CLMN: variants seen among roughly 807,000 people sequenced by gnomAD.
The protein encoded by CLMN is calmin, also known as calmin (calponin-like, transmembrane).
CLMN carries 57 observed loss-of-function variants against 92.7 expected under a neutral mutation model. The ratio of observed to expected loss-of-function variants is 0.61; its 90% CI spans 0.50 to 0.77. The LOEUF is 0.77. CLMN is among the 30% of genes least tolerant of loss of function. CLMN has a pLI of 0.00. For missense variants in CLMN, 1,158 were observed against 1,237.5 expected, an observed-to-expected ratio of 0.94 and a Z score of 0.96; for synonymous variants, 466 against 470.6, an observed-to-expected ratio of 0.99 and a Z score of 0.13.
intron 1 of CLMN, among the ~76,000 whole-genome samples, chr14:95,245,740 A>G (rs1898535937): frequency 6.7e-6 from 1 of 148,150 alleles, no homozygotes; most frequent in South Asian, 2.2e-4. Flanking sequence ...GGATAAATGG[A>G]TGGGTGGATG....
chr14:95,214,250 C>T (rs1897269427), intron 5 of CLMN, among the ~76,000 whole-genome samples: 1 of 151,772 alleles, frequency 6.6e-6, no homozygotes, highest in Non-Finnish European at 1.5e-5. Flanking sequence ...TTGACTTTTA[C>T]CACATCTTCG....
intron 1 of CLMN, among the ~76,000 whole-genome samples, chr14:95,273,168 T>C (rs1045137917): frequency 2.0e-5 from 3 of 152,168 alleles, no homozygotes; most frequent in Non-Finnish European, 4.4e-5. Flanking sequence ...CAAATTGTGA[T>C]GGAAAGGACA....
intron 8 of CLMN, among the ~76,000 whole-genome samples, 182 bp downstream of exon 8, chr14:95,209,213 A>AG (rs1423834192): frequency 6.6e-6 from 1 of 152,176 alleles, no homozygotes; most frequent in Non-Finnish European, 1.5e-5. Flanking sequence ...CCCGCATATG[A>AG]GGGGGACAAC....
In CLMN at chr14:95,294,362, A is replaced by G. The variant is rs969590747; in HGVS notation, c.82+25349T>C. ...GGAAAAAGCTGGGTTTCAGGACACA[A>G]TCTCTTAGGGCACCTCTGGAAGGAG... On this transcript the variant is annotated intron_variant, in intron 1 of 12. Coordinates refer to ENST00000298912, the MANE Select transcript of CLMN (RefSeq NM_024734.4). This position sits in a 1 kb window ranked among gnomAD's most constrained non-coding sequence, Gnocchi z 4.2. 6.6e-6 allele frequency among the ~76,000 whole-genome samples: 1 copy of G among 152,198 alleles called. No individual in the cohort carries two copies. The highest frequency in any genetic ancestry group is 1.5e-5 in the Non-Finnish European group (1 of 68,034).
Position 95,191,406 on chromosome 14 carries a change from G to GGAA in CLMN, c.*157_*158insTTC, listed in dbSNP as rs1555384327. On this transcript the variant is annotated 3_prime_UTR_variant, in exon 13 of 13. Coordinates refer to ENST00000298912, the MANE Select transcript of CLMN (RefSeq NM_024734.4). This position sits in a 1 kb window ranked among gnomAD's most constrained non-coding sequence, Gnocchi z 5.3. ...GTTGTCCAGAAAAAAAAGGAAACCTGAAAAAAAAAAAAAAACCACAATAGC... is the reference window on the plus strand; with the variant it reads ...GTTGTCCAGAAAAAAAAGGAAACCTGGAAAAAAAAAAAAAAAAACCACAATAGC... The GGAA allele has an allele frequency of 2.9e-6, 1 of 341,980 alleles. No individual in the cohort carries two copies. Among genetic ancestry groups the GGAA allele is most frequent in the African/African-American group, 2.6e-5 (1 of 38,682 alleles). 21.2% of individuals were successfully genotyped at this position (341,980 alleles called of 1,614,324 possible). A position where few individuals can be genotyped will look rare whatever the true frequency, so the allele number is the denominator to read the frequency against.
Position 95,194,654 on chromosome 14 carries a change from T to C in CLMN, c.2709-58A>G, listed in dbSNP as rs1008729837. 3.3e-6 allele frequency: 5 copies of C among 1,531,356 alleles called. No individual in the cohort carries two copies. Among genetic ancestry groups the C allele is most frequent in the Non-Finnish European group, 3.6e-6 (4 of 1,104,794 alleles). 94.9% of individuals were successfully genotyped at this position (1,531,356 alleles called of 1,614,324 possible). A position where few individuals can be genotyped will look rare whatever the true frequency, so the allele number is the denominator to read the frequency against. On this transcript the variant is annotated intron_variant, in intron 10 of 12. Coordinates refer to ENST00000298912, the MANE Select transcript of CLMN (RefSeq NM_024734.4). The surrounding 1 kb of genome is among the most constrained non-coding windows in gnomAD (Gnocchi z 4.0). ...CACCTGGAGCTCTTCATGGCTCAGT[T>C]GTACGGTCACCCCCATCCTGGGGTT...
intron 1 of CLMN, among the ~76,000 whole-genome samples, chr14:95,252,138 T>A (rs1252409159): frequency 1.3e-5 from 2 of 151,838 alleles, no homozygotes; most frequent in African/African-American, 4.8e-5. Flanking sequence ...CAACAGGGGG[T>A]GCTGAGTGTG....
chr14:95,252,825 G>T (rs904159404), intron 1 of CLMN, among the ~76,000 whole-genome samples: 2 of 152,220 alleles, frequency 1.3e-5, no homozygotes, highest in Non-Finnish European at 2.9e-5. Context: ...CACGTGTGAT[G>T]CCGGGAGGGT....
At chr14:95,304,496 G>A (rs1901190853) in intron 1 of CLMN, among the ~76,000 whole-genome samples, 1 of 152,076 alleles carries the variant, frequency 6.6e-6, no homozygotes, top group African/African-American at 2.4e-5. Flanking sequence ...GCACTAAGAG[G>A]ATGAGAGGAA....
chr14:95,204,076 T>C lies in CLMN; in HGVS notation c.1273A>G (p.Thr425Ala). Reference sequence around the variant, plus strand: ...TAGGTGTCAGCCTCAAAGTGAACTGTTTTCTTGATCGGCAAAGAGTTGGAC... The same window carrying C: ...TAGGTGTCAGCCTCAAAGTGAACTGCTTTCTTGATCGGCAAAGAGTTGGAC... ...GRSNSLPIKK[T>A]VHFEADTYKD... Residue 425 changes from threonine (T) to alanine (A), a missense_variant, in exon 9 of 13, where the codon ACA (threonine) becomes GCA (alanine). Coordinates refer to ENST00000298912, the MANE Select transcript of CLMN (RefSeq NM_024734.4). The C allele has an allele frequency of 6.2e-7, 1 of 1,614,158 alleles. No homozygotes were observed. The highest frequency in any genetic ancestry group is 8.5e-7 in the Non-Finnish European group (1 of 1,180,022).
chr14:95,259,581 G>C lies in CLMN; in HGVS notation c.83-29448C>G, dbSNP rs1173406435. On this transcript the variant is annotated intron_variant, in intron 1 of 12. Transcript: ENST00000298912. This position sits in a 1 kb window ranked among gnomAD's most constrained non-coding sequence, Gnocchi z 4.3. Reference sequence around the variant, plus strand: ...GGCCAGGGAAACGAGATCTTGATCTGTTTGGGAATCCTGTTTTTGTGCCTG... The same window carrying C: ...GGCCAGGGAAACGAGATCTTGATCTCTTTGGGAATCCTGTTTTTGTGCCTG... Among the ~76,000 whole-genome samples, 1 of 152,152 alleles carries C rather than the reference G, an allele frequency of 6.6e-6. No individual in the cohort carries two copies. Among genetic ancestry groups the C allele is most frequent in the Non-Finnish European group, 1.5e-5 (1 of 68,010 alleles).
At chr14:95,276,874 C>A (rs1003189117) in intron 1 of CLMN, among the ~76,000 whole-genome samples, 1 of 152,158 alleles carries the variant, frequency 6.6e-6, no homozygotes, top group Non-Finnish European at 1.5e-5. Flanking sequence ...AGTTCCTCCA[C>A]GCAACCCCTG....
intron 1 of CLMN, among the ~76,000 whole-genome samples, chr14:95,240,829 G>A (rs907663794): frequency 1.3e-5 from 2 of 152,204 alleles, no homozygotes; most frequent in Admixed American, 6.5e-5. Flanking sequence ...GGCCTCAGTA[G>A]CTGGTGGTAC....
At chr14:95,233,889 A>G (rs950663894) in intron 1 of CLMN, among the ~76,000 whole-genome samples, 2 of 152,246 alleles carry the variant, frequency 1.3e-5, no homozygotes, top group Non-Finnish European at 2.9e-5. Flanking sequence ...CAGCTTCAAC[A>G]GCAAAGCTGA....
rs147390214 is a variant in CLMN at position 95,234,250 on chromosome 14, G to A, written c.83-4117C>T. Among the ~76,000 whole-genome samples the A allele has an allele frequency of 2.7e-3, 405 of 152,238 alleles. 2 individuals are homozygous for A. The highest frequency in any genetic ancestry group is 9.1e-3 in the African/African-American group (380 of 41,540). ...AGAAAGCACCCCCACAGCTGCTGCC[G>A]CAAGCAAGGCCAGTTTCCTCCGTCC... is the stretch of plus-strand genomic sequence containing the variant. On this transcript the variant is annotated intron_variant, in intron 1 of 12. Transcript: ENST00000298912.
At chr14:95,264,029 T>C (rs1030162034) in intron 1 of CLMN, among the ~76,000 whole-genome samples, 1 of 150,796 alleles carries the variant, frequency 6.6e-6, no homozygotes, top group African/African-American at 2.4e-5. Context: ...TATTTATTTA[T>C]TTATTTATTT....
intron 1 of CLMN, among the ~76,000 whole-genome samples, chr14:95,249,603 T>A (rs1898703930): frequency 6.6e-6 from 1 of 152,086 alleles, no homozygotes; most frequent in Non-Finnish European, 1.5e-5. Context: ...CTTTTTCTTT[T>A]TTTTTTGAGA....
intron 4 of CLMN, among the ~76,000 whole-genome samples, chr14:95,221,103 T>A (rs1473786361): frequency 5.6e-4 from 86 of 152,222 alleles, no homozygotes; most frequent in Non-Finnish European, 2.9e-5. Flanking sequence ...AAGCTGGGTT[T>A]TGTTTTAACC....
chr14:95,301,096 TC>T (rs1901034137), intron 1 of CLMN, among the ~76,000 whole-genome samples: 1 of 152,258 alleles, frequency 6.6e-6, no homozygotes. Flanking sequence ...GTTGGATTCT[TC>T]CCACAACTGG....
Sources: gnomAD v4.1 joint callset for allele counts (sites outside exome capture counted in the v4.1 genomes callset) on GRCh38, gnomAD v4.1.1 for gene constraint, Gnocchi (gnomAD v3.1) non-coding constraint, MANE v1.5 for transcripts, NCBI Gene and HGNC (gene_info 2026-07-23, HGNC 2026-07-21) for gene names.